Variants in AVEN observed in about 807,000 individuals in gnomAD.
The protein encoded by AVEN is apoptosis and caspase activation inhibitor.
A neutral mutation model predicts 38.1 loss-of-function variants in AVEN; 41 were observed. The ratio of observed to expected loss-of-function variants is 1.08; its 90% CI spans 0.84 to 1.40. The LOEUF is 1.40. Ranked by LOEUF, AVEN falls within the 40% of genes most tolerant of loss-of-function variation. The probability of loss-of-function intolerance (pLI) is 0.00; values close to 1 mark genes in which losing one functional copy is unlikely to be tolerated. For missense variants in AVEN, 605 were observed against 438.8 expected (o/e 1.38, Z -3.38); for synonymous variants, 206 against 171.8 (o/e 1.20, Z -1.56).
chr15:33,882,642 G>A (rs1453179085), intron 2 of AVEN, among the ~76,000 whole-genome samples: 3 of 152,018 alleles, frequency 2.0e-5, no homozygotes, highest in African/African-American at 7.2e-5. Context: ...TGAGGTGGAA[G>A]GATCAATTGA....
chr15:33,853,193 G>C, the AVEN span: 4 of 1,054,548 alleles, frequency 3.8e-6, no homozygotes, highest in Non-Finnish European at 5.4e-6. Flanking sequence ...CTACTTTTAT[G>C]ATAATATCTC....
chr15:33,878,523 T>C (rs1240648940), intron 2 of AVEN, among the ~76,000 whole-genome samples: 1 of 152,058 alleles, frequency 6.6e-6, no homozygotes, highest in Non-Finnish European at 1.5e-5. Context: ...ATTTAAGTGT[T>C]CAGAAAAAAA....
At chr15:33,936,173 C>T (rs1329341165) in intron 2 of AVEN, among the ~76,000 whole-genome samples, 1 of 151,974 alleles carries the variant, frequency 6.6e-6, no homozygotes, top group African/African-American at 2.4e-5. Context: ...CTATCACTGC[C>T]TCTATTCAGC....
At chr15:33,912,853 CTA>C (rs2153045749) in intron 2 of AVEN, among the ~76,000 whole-genome samples, 1 of 151,622 alleles carries the variant, frequency 6.6e-6, no homozygotes, top group South Asian at 2.1e-4. Flanking sequence ...TATAAACTGG[CTA>C]TGTTGTTTAA....
intron 2 of AVEN, among the ~76,000 whole-genome samples, chr15:33,885,243 C>T (rs1304580363): frequency 6.6e-6 from 1 of 152,154 alleles, no homozygotes; most frequent in Non-Finnish European, 1.5e-5. Context: ...AATAAAATGT[C>T]CTCTTTCATT....
intron 2 of AVEN, among the ~76,000 whole-genome samples, chr15:33,943,499 T>C (rs988397554): frequency 2.6e-5 from 4 of 152,188 alleles, no homozygotes; most frequent in Non-Finnish European, 5.9e-5. Context: ...GTTTCTGATA[T>C]GCAAGATGAA....
chr15:34,071,457 G>A (rs979556637), intron 1 of AVEN, among the ~76,000 whole-genome samples: 2 of 151,898 alleles, frequency 1.3e-5, no homozygotes, highest in Non-Finnish European at 2.9e-5. Flanking sequence ...TTTATTTTTA[G>A]TAGAGATGTG....
At chr15:33,970,123 C>T (rs1895571008) in intron 2 of AVEN, among the ~76,000 whole-genome samples, 1 of 151,896 alleles carries the variant, frequency 6.6e-6, no homozygotes, top group African/African-American at 2.4e-5. Flanking sequence ...CATATCACAC[C>T]TAACTACGGA....
intron 2 of AVEN, among the ~76,000 whole-genome samples, chr15:33,948,115 TGAGA>T (rs1894577467): frequency 2.7e-5 from 4 of 150,476 alleles, no homozygotes; most frequent in Admixed American, 6.6e-5. Flanking sequence ...TTTTTTTTTT[TGAGA>T]TGGAGTCTCG....
chr15:34,070,436 A>G (rs1277136215), intron 2 of AVEN, among the ~76,000 whole-genome samples: 2 of 150,886 alleles, frequency 1.3e-5, no homozygotes, highest in Non-Finnish European at 3.0e-5. Context: ...TAAAATATCC[A>G]TATAGTTTTA....
At chr15:33,898,080 T>A (rs1229228748) in intron 2 of AVEN, among the ~76,000 whole-genome samples, 1 of 151,992 alleles carries the variant, frequency 6.6e-6, no homozygotes, top group African/African-American at 2.4e-5. Flanking sequence ...TCCCAGCTAC[T>A]CTGGAGGCTG....
chr15:33,997,526 G>A (rs1038308621), intron 2 of AVEN, among the ~76,000 whole-genome samples: 6 of 151,962 alleles, frequency 3.9e-5, no homozygotes, highest in East Asian at 1.9e-4. Flanking sequence ...ACCGTCATCC[G>A]CAACCCCCTG....
intron 1 of AVEN, among the ~76,000 whole-genome samples, chr15:34,036,721 G>A (rs535413111): frequency 3.9e-5 from 6 of 152,190 alleles, no homozygotes; most frequent in East Asian, 3.9e-4. Flanking sequence ...AGACCAACTC[G>A]ACAAAAGAAA....
At chr15:34,024,585 G>A (rs1433459131) in intron 1 of AVEN, among the ~76,000 whole-genome samples, 2 of 151,930 alleles carry the variant, frequency 1.3e-5, no homozygotes, top group East Asian at 3.9e-4. Context: ...AGGCACAGTG[G>A]CTCACATCTG....
rs749304159 is a variant in AVEN at position 33,866,756 on chromosome 15, C to G, written c.974-28G>C. The G allele has an allele frequency of 4.6e-6, 7 of 1,505,788 alleles. No individual in the cohort carries two copies. The East Asian group carries it at 1.1e-4, about 24-fold the overall frequency. 93.3% of individuals were successfully genotyped at this position (1,505,788 alleles called of 1,614,324 possible). A position where few individuals can be genotyped will look rare whatever the true frequency, so the allele number is the denominator to read the frequency against. On this transcript the variant is annotated intron_variant, in intron 5 of 5. Transcript: ENST00000306730. ...GGGGGAAAAAAAACAATGTTAACAC[C>G]CTCAGATGAGTCCTAAAATTGAAGG...
chr15:34,062,151 G>A (rs1330070854), intron 5 of AVEN, among the ~76,000 whole-genome samples: 3 of 152,086 alleles, frequency 2.0e-5, no homozygotes, highest in Non-Finnish European at 2.9e-5. Context: ...CTCAGCCATA[G>A]GTAACAACAA....
At chr15:33,855,551 C>T (rs2079563601), downstream of AVEN, among the ~76,000 whole-genome samples, 1 of 152,074 alleles carries the variant, frequency 6.6e-6, no homozygotes, top group Non-Finnish European at 1.5e-5. Flanking sequence ...CTGATATATT[C>T]CCTGGGGGTT....
chr15:33,868,360 AAAC>A (rs1241994771), intron 4 of AVEN, among the ~76,000 whole-genome samples: 3 of 125,714 alleles, frequency 2.4e-5, no homozygotes, highest in African/African-American at 7.3e-5. Flanking sequence ...TGTCTCTACT[AAAC>A]AAACAAACAA....
rs140869718 is a variant in AVEN, at chr15:33,886,278, G to A, written c.446-10283C>T. 1.4e-4 allele frequency among the ~76,000 whole-genome samples: 21 copies of A among 152,222 alleles called. 1 individual carries two copies. The highest frequency in any genetic ancestry group is 3.9e-4 in the African/African-American group (16 of 41,528). ...GGGGGGCGGTCTCCCCATGCTATTC[G>A]CATGATAGTAAGTTCTGACAAGATT... On this transcript the variant is annotated intron_variant, in intron 2 of 5. Transcript: ENST00000306730.
Sources: allele counts gnomAD v4.1 joint callset (sites outside exome capture counted in the v4.1 genomes callset), GRCh38; gene constraint gnomAD v4.1.1; transcripts MANE v1.5; gene names NCBI Gene and HGNC (gene_info 2026-07-23, HGNC 2026-07-21).